Variants in ARID1B observed in about 807,000 individuals in gnomAD.
ARID1B encodes AT-rich interaction domain 1B.
In ARID1B, 30 loss-of-function variants were observed where a neutral mutation model predicts 212.3. That is an observed-to-expected ratio of 0.14 (90% CI 0.11 to 0.19). The LOEUF is 0.19. Ranked by LOEUF, ARID1B falls within the 10% of genes least tolerant of loss-of-function variation. The pLI is 1.00. For missense variants in ARID1B, 2,891 were observed against 3,204.0 expected, an observed-to-expected ratio of 0.90 and a Z score of 2.36; for synonymous variants, 1,402 against 1,301.7, an observed-to-expected ratio of 1.08 and a Z score of -1.66.
intron 4 of ARID1B, among the ~76,000 whole-genome samples, chr6:157,001,952 GC>G: frequency 6.6e-6 from 1 of 152,356 alleles, no homozygotes; most frequent in Non-Finnish European, 1.5e-5. Context: ...TTCCAGAGGT[GC>G]CTCGTATTAT....
At chr6:157,095,077 G>A (rs1277411349) in intron 5 of ARID1B, among the ~76,000 whole-genome samples, 1 of 152,142 alleles carries the variant, frequency 6.6e-6, no homozygotes, top group East Asian at 1.9e-4. Flanking sequence ...GAGGCTTTAG[G>A]GTTCAGGATG....
intron 3 of ARID1B, among the ~76,000 whole-genome samples, chr6:156,920,327 A>G (rs1790683495): frequency 6.6e-6 from 1 of 152,180 alleles, no homozygotes; most frequent in South Asian, 2.1e-4. Context: ...TATATTCACT[A>G]ATTCTCTTTC....
In ARID1B at chr6:156,840,914, A is replaced by C. The variant is rs287904; in HGVS notation, c.1986+11493A>C. The stretch of plus-strand genomic sequence containing the variant: ...TCCCTTGCACTGGGTGTAATACCTC[A>C]GTCTGGAGAAGGTTGAGTTGGATTT... On this transcript the variant is annotated intron_variant, in intron 2 of 19. Coordinates refer to ENST00000636930, the MANE Select transcript of ARID1B (RefSeq NM_001374828.1). Among the ~76,000 whole-genome samples, 4 of 152,130 alleles carry C rather than the reference A, an allele frequency of 2.6e-5. No individual in the cohort carries two copies. The East Asian group carries it at 7.7e-4, about 29-fold the overall frequency.
chr6:156,803,903 A>G lies in ARID1B; in HGVS notation c.1791+24432A>G, dbSNP rs192514948. Among the ~76,000 whole-genome samples the G allele has an allele frequency of 1.2e-4, 19 of 152,318 alleles. 1 individual carries two copies. The highest frequency in any genetic ancestry group is 1.2e-3 in the Admixed American group (19 of 15,294). On this transcript the variant is annotated intron_variant, in intron 1 of 19. Transcript: ENST00000636930. ...TGAAACGTAATTTACGTGGTTGCTA[A>G]GAGAGCTAAATTAGTTGAGGTGTGT...
chr6:156,941,394 A>G (rs1792664622), intron 4 of ARID1B: 1 of 152,204 alleles, frequency 6.6e-6, no homozygotes, highest in South Asian at 2.1e-4. Flanking sequence ...TTTAAAGGGA[A>G]CATGCAATAC....
chr6:156,977,948 C>T (rs1245620622), intron 4 of ARID1B, among the ~76,000 whole-genome samples: 1 of 152,146 alleles, frequency 6.6e-6, no homozygotes, highest in African/African-American at 2.4e-5. Flanking sequence ...CTCCCAAGGG[C>T]TCTGCGTGGT....
At chr6:156,873,622 T>C (rs990152660) in intron 2 of ARID1B, among the ~76,000 whole-genome samples, 4 of 152,264 alleles carry the variant, frequency 2.6e-5, no homozygotes, top group African/African-American at 7.2e-5. Context: ...AGAGCTGTGA[T>C]ACACAGTGTG....
chr6:156,966,631 G>T (rs1336339912), intron 4 of ARID1B, among the ~76,000 whole-genome samples: 1 of 152,070 alleles, frequency 6.6e-6, no homozygotes, highest in Non-Finnish European at 1.5e-5. Flanking sequence ...CTGACCTCAG[G>T]TGATCCACCC....
At chr6:157,188,640 A>C (rs993519119) in intron 13 of ARID1B, among the ~76,000 whole-genome samples, 2 of 152,234 alleles carry the variant, frequency 1.3e-5, no homozygotes, top group African/African-American at 4.8e-5. Flanking sequence ...GCACGTTTTT[A>C]TCAGAAACTC....
chr6:156,841,106 G>T (rs1387157318), intron 2 of ARID1B, among the ~76,000 whole-genome samples: 3 of 152,212 alleles, frequency 2.0e-5, no homozygotes, highest in African/African-American at 7.2e-5. Flanking sequence ...TGTGGTGGAA[G>T]AACAGGGCCT....
At chr6:157,195,958 G>A (rs1793687164) in intron 15 of ARID1B, 1 of 495,244 alleles carries the variant, frequency 2.0e-6, no homozygotes, top group African/African-American at 2.0e-5. Context: ...CTACTTGGGA[G>A]GGTGACGCAG....
intron 4 of ARID1B, among the ~76,000 whole-genome samples, chr6:156,991,270 G>A (rs981993124): frequency 3.9e-5 from 6 of 152,058 alleles, no homozygotes; most frequent in Non-Finnish European, 4.4e-5. Flanking sequence ...TCTCTCTGTC[G>A]CCCAAGCTGG....
chr6:157,161,782 G>C (rs1161197186), intron 8 of ARID1B, among the ~76,000 whole-genome samples: 1 of 152,166 alleles, frequency 6.6e-6, no homozygotes, highest in Admixed American at 6.5e-5. Flanking sequence ...AAGTGATAAA[G>C]TGCCCCAAGT....
At chr6:156,808,542 A>C (rs1210539047) in intron 1 of ARID1B, among the ~76,000 whole-genome samples, 1 of 152,190 alleles carries the variant, frequency 6.6e-6, no homozygotes, top group Non-Finnish European at 1.5e-5. Context: ...TACAGTCCTC[A>C]TACCACAGAT....
intron 7 of ARID1B, among the ~76,000 whole-genome samples, chr6:157,146,640 G>A (rs1789745917): frequency 1.3e-5 from 2 of 152,054 alleles, no homozygotes; most frequent in South Asian, 4.2e-4. Context: ...ACCCATACGT[G>A]CACGTGCATG....
chr6:156,848,823 G>A (rs1784397950), intron 2 of ARID1B, among the ~76,000 whole-genome samples: 1 of 152,236 alleles, frequency 6.6e-6, no homozygotes, highest in South Asian at 2.1e-4. Flanking sequence ...AGGCCCTGCT[G>A]CCTCGCTAAG....
intron 6 of ARID1B, among the ~76,000 whole-genome samples, chr6:157,115,600 T>C (rs927481000): frequency 6.6e-6 from 1 of 152,152 alleles, no homozygotes; most frequent in African/African-American, 2.4e-5. Flanking sequence ...CTAATTTTTT[T>C]GTATTTTTAT....
At chr6:157,110,789 A>T (rs1786851890) in intron 6 of ARID1B, 4 of 576,260 alleles carry the variant, frequency 6.9e-6, no homozygotes, top group Non-Finnish European at 9.3e-6. Flanking sequence ...GGCCCAAAGA[A>T]TGTGTGTGTC....
At chr6:156,984,006 A>C (rs1056382475) in intron 4 of ARID1B, among the ~76,000 whole-genome samples, 12 of 151,918 alleles carry the variant, frequency 7.9e-5, no homozygotes, top group Non-Finnish European at 1.5e-5. Context: ...AATCACTTCA[A>C]AACTTCATTT....
Sources: allele counts gnomAD v4.1 joint callset (sites outside exome capture counted in the v4.1 genomes callset), GRCh38; gene constraint gnomAD v4.1.1; transcripts MANE v1.5; gene names NCBI Gene and HGNC (gene_info 2026-07-23, HGNC 2026-07-21).